The following DNAJB6 variants were observed in gnomAD, a reference collection of about 807,000 sequenced individuals.
DNAJB6 encodes the protein dnaJ homolog subfamily B member 6.
DNAJB6 carries 16 observed loss-of-function variants against 42.7 expected under a neutral mutation model. The observed-to-expected ratio is 0.37, with a 90% CI of 0.25 to 0.57. The LOEUF is 0.57. Ranked by LOEUF, DNAJB6 falls within the 20% of genes least tolerant of loss-of-function variation. The pLI, the probability that DNAJB6 is intolerant of heterozygous loss-of-function variation, is 0.74. For synonymous variants in DNAJB6, 170 were observed against 163.5 expected, an observed-to-expected ratio of 1.04 and a Z score of -0.30; for missense variants, 347 against 416.8, an observed-to-expected ratio of 0.83 and a Z score of 1.46.
chr7:157,407,003 C>G (rs752884256), intron 8 of DNAJB6, among the ~76,000 whole-genome samples: 3 of 152,326 alleles, frequency 2.0e-5, no homozygotes. Context: ...ATGGCAGCCC[C>G]GGCTGACCCA....
At chr7:157,396,823 G>A (rs1352750817) in intron 8 of DNAJB6, among the ~76,000 whole-genome samples, 1 of 152,144 alleles carries the variant, frequency 6.6e-6, no homozygotes, top group East Asian at 1.9e-4. Context: ...CCGAGACTGA[G>A]GAACTTCAGA....
intron 8 of DNAJB6, among the ~76,000 whole-genome samples, chr7:157,401,323 A>G (rs190683053): frequency 1.3e-5 from 2 of 151,700 alleles, no homozygotes; most frequent in Admixed American, 6.6e-5. Flanking sequence ...GGTTCAAGCA[A>G]CTCTGCCTCA....
chr7:157,341,748 A>G (rs992890680), intron 1 of DNAJB6, among the ~76,000 whole-genome samples: 2 of 152,084 alleles, frequency 1.3e-5, no homozygotes. Context: ...TATTGATTGA[A>G]TTAGATTCTT....
intron 8 of DNAJB6, among the ~76,000 whole-genome samples, chr7:157,402,545 G>C (rs1403925196): frequency 6.6e-6 from 1 of 152,198 alleles, no homozygotes; most frequent in Admixed American, 6.5e-5. Flanking sequence ...TCTCCATTCA[G>C]AGACAAACAC....
intron 6 of DNAJB6, among the ~76,000 whole-genome samples, chr7:157,383,155 C>G (rs566821422): frequency 3.9e-5 from 6 of 152,094 alleles, no homozygotes; most frequent in African/African-American, 1.4e-4. Flanking sequence ...CACAGGTGTG[C>G]ACCAGCAGGC....
chr7:157,401,897 C>T (rs897038972), intron 8 of DNAJB6, among the ~76,000 whole-genome samples: 2 of 152,222 alleles, frequency 1.3e-5, no homozygotes, highest in Non-Finnish European at 2.9e-5. Flanking sequence ...TGCCTTCTCT[C>T]TGTTGCAGAG....
intron 1 of DNAJB6, among the ~76,000 whole-genome samples, chr7:157,354,019 C>T (rs1799146566): frequency 6.6e-6 from 1 of 152,112 alleles, no homozygotes; most frequent in Admixed American, 6.6e-5. Flanking sequence ...TAGCATTAGC[C>T]AGTATAGTAA....
intron 1 of DNAJB6, among the ~76,000 whole-genome samples, chr7:157,350,680 A>G (rs926980380): frequency 2.1e-5 from 3 of 145,754 alleles, no homozygotes; most frequent in East Asian, 2.1e-4. Context: ...ACTTGGAGAC[A>G]ACAACCTTTT....
At position 157,413,718 on chromosome 7, in the gene DNAJB6, CTTTTTTTTTTT is replaced by C. The variant is rs549829121; in HGVS notation, c.899-2284_899-2274del. The C allele has an allele frequency of 7.4e-5, 7 of 94,012 alleles. No individual in the cohort carries two copies. The East Asian group carries it at 8.8e-4, about 12-fold the overall frequency. 5.8% of individuals were successfully genotyped at this position (94,012 alleles called of 1,614,324 possible). ...CTGTTTTTCTCACTTCAATTTTGGA[CTTTTTTTTTTT>C]TTTTTTTTTTTTTGAGACAGTCTCG... is the stretch of plus-strand genomic sequence containing the variant. On this transcript the variant is annotated intron_variant, in intron 9 of 9. Coordinates refer to ENST00000262177, the MANE Select transcript of DNAJB6 (RefSeq NM_058246.4).
chr7:157,354,019 CAGTAT>C (rs757395066), intron 1 of DNAJB6, among the ~76,000 whole-genome samples: 1 of 152,112 alleles, frequency 6.6e-6, no homozygotes, highest in Non-Finnish European at 1.5e-5. Flanking sequence ...TAGCATTAGC[CAGTAT>C]AGTAAATTTT....
chr7:157,356,805 C>G (rs1316723153), intron 1 of DNAJB6, among the ~76,000 whole-genome samples: 3 of 152,300 alleles, frequency 2.0e-5, no homozygotes, highest in Middle Eastern at 3.4e-3. Context: ...TTTTGATACT[C>G]TAAATTCCGT....
chr7:157,351,095 T>C (rs1270849548), intron 1 of DNAJB6, among the ~76,000 whole-genome samples: 1 of 151,962 alleles, frequency 6.6e-6, no homozygotes, highest in African/African-American at 2.4e-5. Flanking sequence ...CCACCATGCC[T>C]AGTTAATTTT....
intron 8 of DNAJB6, among the ~76,000 whole-genome samples, chr7:157,389,539 T>C (rs1022903535): frequency 4.6e-5 from 7 of 152,224 alleles, no homozygotes; most frequent in African/African-American, 1.7e-4. Flanking sequence ...AGGCATGAGA[T>C]CTTACCCTTT....
intron 8 of DNAJB6, among the ~76,000 whole-genome samples, chr7:157,387,828 A>G (rs935190283): frequency 6.6e-6 from 1 of 151,788 alleles, no homozygotes; most frequent in African/African-American, 2.4e-5. Flanking sequence ...TGGGAAAACT[A>G]CTGTTTTGTT....
In DNAJB6 at chr7:157,384,995, A is replaced by G. The variant is rs761335921; in HGVS notation, c.607A>G (p.Ile203Val). The G allele has an allele frequency of 1.2e-6, 2 of 1,614,104 alleles. No homozygotes were observed. Among genetic ancestry groups the G allele is most frequent in the African/African-American group, 1.3e-5 (1 of 75,040 alleles). The change falls in exon 7 of 10, where the codon ATC (isoleucine) becomes GTC (valine). Residue 203 changes from isoleucine to valine, a missense_variant. Transcript: ENST00000262177. The part of the protein sequence containing the change: ...TSTKMVNGRK[I>V]TTKRIVENGQ... ...AACTAAAATGGTTAATGGCAGAAAA[A>G]TCACTACAAAGAGGTACTGTGGTAT...
intron 5 of DNAJB6, chr7:157,370,721 A>G (rs1800165903): frequency 6.6e-6 from 1 of 152,578 alleles, no homozygotes; most frequent in Non-Finnish European, 1.5e-5. Context: ...TGTGTTTCCC[A>G]TGATTAGTGT....
intron 5 of DNAJB6, chr7:157,378,784 T>A (rs1395509439): frequency 6.6e-6 from 1 of 152,214 alleles, no homozygotes; most frequent in East Asian, 1.9e-4. Flanking sequence ...TACATACTTC[T>A]AGATTGCTTT....
At chr7:157,365,331 G>C (rs1057352232) in intron 3 of DNAJB6, among the ~76,000 whole-genome samples, 4 of 152,246 alleles carry the variant, frequency 2.6e-5, no homozygotes, top group Admixed American at 2.6e-4. Flanking sequence ...TTTGTTCTGG[G>C]ATATAAGTAG....
intron 1 of DNAJB6, among the ~76,000 whole-genome samples, chr7:157,353,110 T>C (rs2116917115): frequency 6.6e-6 from 1 of 150,602 alleles, no homozygotes; most frequent in South Asian, 2.1e-4. Context: ...AAATTTTTCG[T>C]AGAGACAGGG....
Sources: gnomAD v4.1 joint callset for allele counts (sites outside exome capture counted in the v4.1 genomes callset) on GRCh38, gnomAD v4.1.1 for gene constraint, MANE v1.5 for transcripts, NCBI Gene and HGNC (gene_info 2026-07-23, HGNC 2026-07-21) for gene names.